The following ITPR2 variants were observed in gnomAD, a reference collection of about 807,000 sequenced individuals.
ITPR2 encodes inositol 1,4,5-trisphosphate receptor type 2.
In ITPR2, 207 loss-of-function variants were observed where a neutral mutation model predicts 317.1. The observed-to-expected ratio is 0.65, with a 90% confidence interval of 0.58 to 0.73. The LOEUF (loss-of-function observed/expected upper bound fraction) is 0.73. Ranked by LOEUF, ITPR2 falls within the 30% of genes least tolerant of loss-of-function variation. ITPR2 has a pLI of 0.00. For synonymous variants in ITPR2, 1,156 were observed against 1,149.1 expected (o/e 1.01, Z -0.12); for missense variants, 2,613 against 3,284.0 (o/e 0.80, Z 4.99).
In ITPR2 at chr12:26,638,220, A is replaced by G. The variant is rs191656653; in HGVS notation, c.2741-6161T>C. On this transcript the variant is annotated intron_variant, in intron 21 of 56. Coordinates refer to ENST00000381340, the MANE Select transcript of ITPR2 (RefSeq NM_002223.4). ...TTGACAAAGTCATTTCAATATTCCA[A>G]ATCTCAAGATTTCAATTTGCAAAAC... Among the ~76,000 whole-genome samples the G allele has an allele frequency of 1.6e-3, 242 of 152,354 alleles. 1 individual carries two copies. The highest frequency in any genetic ancestry group is 5.5e-3 in the African/African-American group (229 of 41,582).
intron 45 of ITPR2, among the ~76,000 whole-genome samples, chr12:26,473,783 T>C (rs916001452): frequency 6.6e-6 from 1 of 152,326 alleles, no homozygotes; most frequent in African/African-American, 2.4e-5. Context: ...ACTCACTTTG[T>C]GTCACATGGC....
chr12:26,346,491 C>T (rs545684030), intron 55 of ITPR2, among the ~76,000 whole-genome samples: 2 of 152,158 alleles, frequency 1.3e-5, no homozygotes, highest in South Asian at 2.1e-4. Flanking sequence ...GGTGTGGTAG[C>T]GGGCACCTGT....
At chr12:26,498,742 GCAT>G (rs1440632589) in intron 37 of ITPR2, among the ~76,000 whole-genome samples, 1 of 152,188 alleles carries the variant, frequency 6.6e-6, no homozygotes, top group Non-Finnish European at 1.5e-5. Flanking sequence ...GCACAAGTCA[GCAT>G]CACTGTCTGA....
Position 26,338,340 on chromosome 12 carries a change from G to A in ITPR2, c.*1057C>T, listed in dbSNP as rs1165243070. The A allele has an allele frequency of 6.6e-6, 1 of 152,596 alleles. No homozygotes were observed. Among genetic ancestry groups the A allele is most frequent in the Non-Finnish European group, 1.5e-5 (1 of 68,036 alleles). The allele number at this position is 152,596 out of a possible 1,614,324, so 9.5% of individuals were successfully genotyped here. A position where few individuals can be genotyped will look rare whatever the true frequency, so the allele number is the denominator to read the frequency against. On this transcript the variant is annotated 3_prime_UTR_variant, in exon 57 of 57. Transcript: ENST00000381340. ...CCCTTACAGATACAGTTTTAAATAT[G>A]TAATTGAAATGTGGCATTTTCTTGA...
intron 50 of ITPR2, among the ~76,000 whole-genome samples, chr12:26,416,617 T>C (rs1461899142): frequency 1.3e-5 from 2 of 152,326 alleles, no homozygotes; most frequent in Middle Eastern, 3.4e-3. Context: ...ACTTGTTTGC[T>C]CACCTATGGA....
chr12:26,698,546 G>C (rs554895104), intron 9 of ITPR2, among the ~76,000 whole-genome samples: 2 of 152,194 alleles, frequency 1.3e-5, no homozygotes, highest in African/African-American at 4.8e-5. Flanking sequence ...AAATGAGTAG[G>C]AGTGTGAGGG....
rs144297691 is a variant in ITPR2 at position 26,417,824 on chromosome 12, A to C, written c.7110+1225T>G. ...AAGTATTATAAACTCATCAAATTGC[A>C]TACATTAAATGGGTATAGCTTTCTG... On this transcript the variant is annotated intron_variant, in intron 50 of 56. Coordinates refer to ENST00000381340, the MANE Select transcript of ITPR2 (RefSeq NM_002223.4). Among the ~76,000 whole-genome samples, 524 of 152,310 alleles carry C rather than the reference A, an allele frequency of 3.4e-3. 2 individuals are homozygous for C. The highest frequency in any genetic ancestry group is 6.8e-3 in the Middle Eastern group (2 of 292).
intron 2 of ITPR2, among the ~76,000 whole-genome samples, chr12:26,729,904 A>AAG (rs1948998682): frequency 6.6e-6 from 1 of 152,106 alleles, no homozygotes; most frequent in African/African-American, 2.4e-5. Context: ...ACAAACCCCC[A>AAG]TGACACAAGT....
At chr12:26,660,347 T>A (rs1214337700) in intron 15 of ITPR2, among the ~76,000 whole-genome samples, 4 of 152,218 alleles carry the variant, frequency 2.6e-5, no homozygotes, top group South Asian at 4.1e-4. Flanking sequence ...CTAATTTTCC[T>A]ATATCCCAAA....
At chr12:26,453,765 C>T (rs1038686829) in intron 45 of ITPR2, among the ~76,000 whole-genome samples, 4 of 152,190 alleles carry the variant, frequency 2.6e-5, no homozygotes, top group Non-Finnish European at 5.9e-5. Context: ...TTCCCATCCA[C>T]GTCCCCTCCC....
At chr12:26,750,011 T>C (rs1949388099) in intron 2 of ITPR2, among the ~76,000 whole-genome samples, 1 of 152,240 alleles carries the variant, frequency 6.6e-6, no homozygotes, top group Non-Finnish European at 1.5e-5. Context: ...CAAGAAACTA[T>C]ACTGCTCTTT....
At chr12:26,744,992 T>C (rs924311586) in intron 2 of ITPR2, among the ~76,000 whole-genome samples, 1 of 152,238 alleles carries the variant, frequency 6.6e-6, no homozygotes, top group African/African-American at 2.4e-5. Flanking sequence ...AGGCAAACGA[T>C]GGTAGGTGCA....
chr12:26,375,788 A>G (rs142657162), intron 55 of ITPR2, among the ~76,000 whole-genome samples: 2 of 152,344 alleles, frequency 1.3e-5, no homozygotes, highest in African/African-American at 4.8e-5. Flanking sequence ...TGAGTATCTA[A>G]TATATACCAG....
At chr12:26,492,450 G>GC (rs1186314274) in intron 39 of ITPR2, among the ~76,000 whole-genome samples, 3 of 108,570 alleles carry the variant, frequency 2.8e-5, no homozygotes, top group African/African-American at 8.8e-5. Flanking sequence ...TTCTAGAGAT[G>GC]CCCCCCACCA....
intron 21 of ITPR2, among the ~76,000 whole-genome samples, chr12:26,634,192 G>T (rs1482979): frequency 6.6e-6 from 1 of 152,146 alleles, no homozygotes; most frequent in Non-Finnish European, 1.5e-5. Flanking sequence ...TCTGGATTTG[G>T]TTGGTGGTGA....
intron 9 of ITPR2, among the ~76,000 whole-genome samples, chr12:26,704,911 TC>T (rs1948522988): frequency 6.6e-6 from 1 of 152,114 alleles, no homozygotes; most frequent in Non-Finnish European, 1.5e-5. Context: ...CAAAGGCAAT[TC>T]AAGAATTACA....
chr12:26,812,088 G>A (rs1475422912), intron 1 of ITPR2, among the ~76,000 whole-genome samples: 2 of 149,426 alleles, frequency 1.3e-5, no homozygotes, highest in Non-Finnish European at 3.0e-5. Context: ...ACTTCATCCC[G>A]GGAGGCGGAG....
At chr12:26,394,973 C>T (rs1939950972) in intron 54 of ITPR2, among the ~76,000 whole-genome samples, 1 of 152,054 alleles carries the variant, frequency 6.6e-6, no homozygotes, top group South Asian at 2.1e-4. Flanking sequence ...GGAAAAAGAG[C>T]TAGGCTAGAG....
intron 2 of ITPR2, among the ~76,000 whole-genome samples, chr12:26,780,617 G>A (rs933734040): frequency 3.3e-5 from 5 of 151,968 alleles, no homozygotes; most frequent in African/African-American, 1.2e-4. Flanking sequence ...ACTAGGTGAC[G>A]ATACTTTGCA....
Sources: allele counts gnomAD v4.1 joint callset (sites outside exome capture counted in the v4.1 genomes callset), GRCh38; gene constraint gnomAD v4.1.1; transcripts MANE v1.5; gene names NCBI Gene and HGNC (gene_info 2026-07-23, HGNC 2026-07-21).